THEMIS2: variants seen among roughly 807,000 people sequenced by gnomAD.
THEMIS2 encodes the protein thymocyte selection associated family member 2.
In THEMIS2, 29 loss-of-function variants were observed where a neutral mutation model predicts 46.8. The observed-to-expected ratio is 0.62, with a 90% CI of 0.46 to 0.84. The LOEUF (loss-of-function observed/expected upper bound fraction) is 0.84, where lower values mean the gene tolerates loss of function less well. Among genes scored for constraint, THEMIS2 ranks in the 40% least tolerant of loss-of-function variants. The pLI, the probability that THEMIS2 is intolerant of heterozygous loss-of-function variation, is 0.00. For synonymous variants in THEMIS2, 335 were observed against 349.1 expected (o/e 0.96, Z 0.45); for missense variants, 698 against 834.7 (o/e 0.84, Z 2.02).
rs2089647662 is a variant in THEMIS2 at position 27,879,811 on chromosome 1, G to A, written c.403G>A (p.Val135Met). 1 of 1,614,012 alleles carries A rather than the reference G, an allele frequency of 6.2e-7. No homozygotes were observed. Among genetic ancestry groups the A allele is most frequent in the Non-Finnish European group, 8.5e-7 (1 of 1,179,862 alleles). Residue 135 changes from valine to methionine, a missense_variant, in exon 3 of 6, where the codon GTG becomes ATG. Val to Met is a conservative substitution (Grantham distance 21). Transcript: ENST00000373921. ...GGACCAGCTCCTCATGCTTGAGGCTGTGGTGATGCACCTCGGGATCCGCTC... is the reference window on the plus strand; with the variant it reads ...GGACCAGCTCCTCATGCTTGAGGCTATGGTGATGCACCTCGGGATCCGCTC... The part of the protein sequence containing the change: ...TEDQLLMLEA[V>M]VMHLGIRSAR...
chr1:27,882,512 G>A lies in THEMIS2; in HGVS notation c.1188G>A (p.Gln396=), dbSNP rs779533786. The A allele has an allele frequency of 1.2e-6, 2 of 1,613,796 alleles. No homozygotes were observed. The highest frequency in any genetic ancestry group is 1.7e-6 in the Non-Finnish European group (2 of 1,179,692). ...GTGACGTGGATGTCTTGGTTTGTCA[G>A]CGGCTGAGTGACCAGGCTGGGGAGG... The part of the protein sequence containing the change: ...QGSDVDVLVC[Q]RLSDQAGEDE... The change falls in exon 4 of 6, where the codon CAG becomes CAA. Residue 396 remains glutamine (Q), a synonymous_variant. Coordinates refer to ENST00000373921, the MANE Select transcript of THEMIS2 (RefSeq NM_001105556.3). This position sits in a 1 kb window ranked among gnomAD's most constrained non-coding sequence, Gnocchi z 7.6.
At chr1:27,874,506 G>A (rs2089543818) in intron 1 of THEMIS2, among the ~76,000 whole-genome samples, 1 of 151,912 alleles carries the variant, frequency 6.6e-6, no homozygotes, top group Non-Finnish European at 1.5e-5. Flanking sequence ...AAATTGCAGG[G>A]TGTGGTGGCT....
In THEMIS2 at chr1:27,886,086, T is replaced by C; in HGVS notation, c.*164T>C. On this transcript the variant is annotated 3_prime_UTR_variant, in exon 6 of 6. Transcript: ENST00000373921. ...TTTGATGGACACTGCACCAGCTTCC[T>C]TCAGGTTCTAGATTCTTGCTACTTA... is the stretch of plus-strand genomic sequence containing the variant. 1 of 647,198 alleles carries C rather than the reference T, an allele frequency of 1.5e-6. No homozygotes were observed. Among genetic ancestry groups the C allele is most frequent in the Non-Finnish European group, 2.7e-6 (1 of 372,510 alleles). 40.1% of individuals were successfully genotyped at this position (647,198 alleles called of 1,614,324 possible).
At position 27,883,306 on chromosome 1, in the gene THEMIS2, T is replaced by C. The variant is rs184973995; in HGVS notation, c.1719+263T>C. 1.6e-5 allele frequency: 8 copies of C among 500,416 alleles called. No homozygotes were observed. The Admixed American group carries it at 2.0e-4, about 13-fold the overall frequency. 31.0% of individuals were successfully genotyped at this position (500,416 alleles called of 1,614,324 possible). ...CTGTTAATAAGTGGGAGGACTGAAC[T>C]TGGCCATGGACAGTCTAACTCCAAG... On this transcript the variant is annotated intron_variant, in intron 4 of 5. Transcript: ENST00000373921.
chr1:27,885,728 A>G, intron 5 of THEMIS2, 139 bp from the exon 6 acceptor site: 1 of 857,164 alleles, frequency 1.2e-6, no homozygotes, highest in East Asian at 2.6e-5. Context: ...GAGACAGAAC[A>G]AATCGTGGTT....
At position 27,879,626 on chromosome 1, in the gene THEMIS2, C is replaced by T. The variant is rs1272558868; in HGVS notation, c.236-18C>T. On this transcript the variant is annotated intron_variant, in intron 2 of 5. Transcript: ENST00000373921. The stretch of plus-strand genomic sequence containing the variant: ...GACACCCCACAGTGACCTGCCTGCT[C>T]TCTGCTGTCCCCCACAGGCTACTTC... 1.9e-6 allele frequency: 3 copies of T among 1,568,174 alleles called. No individual in the cohort carries two copies. Among genetic ancestry groups the T allele is most frequent in the Non-Finnish European group, 2.6e-6 (3 of 1,150,868 alleles).
rs2148642024 is a variant in THEMIS2, at chr1:27,882,803, G to C, written c.1479G>C (p.Glu493Asp). 1.9e-6 allele frequency: 3 copies of C among 1,613,922 alleles called. 1 individual carries two copies. The Admixed American group carries it at 5.0e-5, about 27-fold the overall frequency. The part of the protein sequence containing the change: ...EPFLVVSLDS[E>D]PGMCFEIPPR... Reference sequence around the variant, plus strand: ...TCTTGGTGGTGAGCCTAGACTCTGAGCCTGGGATGTGCTTTGAGATCCCTC... The same window carrying C: ...TCTTGGTGGTGAGCCTAGACTCTGACCCTGGGATGTGCTTTGAGATCCCTC... The change falls in exon 4 of 6, where the codon GAG becomes GAC. Residue 493 changes from glutamate to aspartate, a missense_variant. By Grantham distance (45) the Glu-to-Asp change is conservative (BLOSUM62 2). Transcript: ENST00000373921. This position sits in a 1 kb window ranked among gnomAD's most constrained non-coding sequence, Gnocchi z 7.6.
Position 27,885,983 on chromosome 1 carries a change from A to G in THEMIS2, c.*61A>G. On this transcript the variant is annotated 3_prime_UTR_variant, in exon 6 of 6. Coordinates refer to ENST00000373921, the MANE Select transcript of THEMIS2 (RefSeq NM_001105556.3). ...TCAGGGAATCCGACACCAGCCAACCATTTTAAGCCTCTAAAAGACCTCGGG... is the reference window on the plus strand; with the variant it reads ...TCAGGGAATCCGACACCAGCCAACCGTTTTAAGCCTCTAAAAGACCTCGGG... 7 of 1,551,832 alleles carry G rather than the reference A, an allele frequency of 4.5e-6. No homozygotes were observed. Among genetic ancestry groups the G allele is most frequent in the Non-Finnish European group, 6.2e-6 (7 of 1,124,462 alleles).
intron 1 of THEMIS2, among the ~76,000 whole-genome samples, chr1:27,873,698 C>T (rs2089528018): frequency 6.6e-6 from 1 of 152,164 alleles, no homozygotes; most frequent in Non-Finnish European, 1.5e-5. Context: ...CTGACTCTAC[C>T]TCCAGGGGCT....
At chr1:27,884,944 G>A (rs750631757) in intron 4 of THEMIS2, 4 of 196,108 alleles carry the variant, frequency 2.0e-5, no homozygotes, top group South Asian at 7.2e-5. Context: ...CAGCTCAGGC[G>A]TCGTCACAAG....
intron 1 of THEMIS2, among the ~76,000 whole-genome samples, chr1:27,873,416 G>A (rs1366813700): frequency 6.6e-6 from 1 of 152,182 alleles, no homozygotes. Flanking sequence ...GTGGGCCACC[G>A]AGTAGGGGAG....
At position 27,882,730 on chromosome 1, in the gene THEMIS2, T is replaced by C. The variant is rs368969719; in HGVS notation, c.1406T>C (p.Leu469Pro). Residue 469 changes from leucine (L) to proline (P), a missense_variant, in exon 4 of 6, where the codon CTG becomes CCG. Leu to Pro is a moderately conservative substitution (Grantham distance 98). Transcript: ENST00000373921. This position sits in a 1 kb window ranked among gnomAD's most constrained non-coding sequence, Gnocchi z 7.6. The part of the protein sequence containing the change: ...AKDTSHPTDP[L>P]TSFLGLRLEE... ...GACACCAGCCACCCCACTGACCCTC[T>C]GACCTCCTTCCTGGGCCTGCGGCTG... is the stretch of plus-strand genomic sequence containing the variant. 1 of 1,613,954 alleles carries C rather than the reference T, an allele frequency of 6.2e-7. No homozygotes were observed. The highest frequency in any genetic ancestry group is 8.5e-7 in the Non-Finnish European group (1 of 1,179,980).
Position 27,882,762 on chromosome 1 carries a change from A to G in THEMIS2, c.1438A>G (p.Lys480Glu). The change falls in exon 4 of 6, where the codon AAG (lysine) becomes GAG (glutamate). Residue 480 changes from lysine to glutamate, a missense_variant. Physicochemically the swap from Lys to Glu is moderately conservative, Grantham distance 56. Coordinates refer to ENST00000373921, the MANE Select transcript of THEMIS2 (RefSeq NM_001105556.3). This position sits in a 1 kb window ranked among gnomAD's most constrained non-coding sequence, Gnocchi z 7.6. The part of the protein sequence containing the change: ...TSFLGLRLEE[K>E]ITEPFLVVSL... ...CTTCCTGGGCCTGCGGCTGGAGGAG[A>G]AGATCACAGAGCCATTCTTGGTGGT... 1 of 1,613,668 alleles carries G rather than the reference A, an allele frequency of 6.2e-7. No homozygotes were observed. Among genetic ancestry groups the G allele is most frequent in the South Asian group, 1.1e-5 (1 of 91,030 alleles).
At chr1:27,880,120 G>T in intron 3 of THEMIS2, 66 bp downstream of exon 3, 2 of 1,493,822 alleles carry the variant, frequency 1.3e-6, no homozygotes, top group South Asian at 1.3e-5. Flanking sequence ...CCTGGGAGCT[G>T]CTCTGATGGA....
At chr1:27,883,283 G>C in intron 4 of THEMIS2, 2 of 540,250 alleles carry the variant, frequency 3.7e-6, no homozygotes, top group Non-Finnish European at 6.6e-6. Context: ...CAGGGTCCCT[G>C]TTAATAAGTG....
In THEMIS2 at chr1:27,886,411, A is replaced by G. The variant is rs1447898687; in HGVS notation, c.*489A>G. On this transcript the variant is annotated 3_prime_UTR_variant, in exon 6 of 6. Coordinates refer to ENST00000373921, the MANE Select transcript of THEMIS2 (RefSeq NM_001105556.3). ...GTAGCACCAAGCCTGATAGATCTGT[A>G]TATGGTAAACAGGGGTTTAACCACA... 6.2e-6 allele frequency: 1 copy of G among 161,400 alleles called. No individual in the cohort carries two copies. Among genetic ancestry groups the G allele is most frequent in the Non-Finnish European group, 1.4e-5 (1 of 73,160 alleles). The allele number at this position is 161,400 out of a possible 1,614,324, so 10.0% of individuals were successfully genotyped here. A position where few individuals can be genotyped will look rare whatever the true frequency, so the allele number is the denominator to read the frequency against.
At position 27,886,572 on chromosome 1, in the gene THEMIS2, T is replaced by G. The variant is rs2089776505; in HGVS notation, c.*650T>G. ...TATGGAGACCTGAGGCTGCAGAAACTGGTAGGTTTCATCAGGTGGTTAAAG... is the reference window on the plus strand; with the variant it reads ...TATGGAGACCTGAGGCTGCAGAAACGGGTAGGTTTCATCAGGTGGTTAAAG... On this transcript the variant is annotated 3_prime_UTR_variant, in exon 6 of 6. Transcript: ENST00000373921. The G allele has an allele frequency of 6.6e-6, 1 of 152,182 alleles. No individual in the cohort carries two copies. Among genetic ancestry groups the G allele is most frequent in the South Asian group, 2.1e-4 (1 of 4,860 alleles). 9.4% of individuals were successfully genotyped at this position (152,182 alleles called of 1,614,324 possible).
At position 27,885,868 on chromosome 1, in the gene THEMIS2, T is replaced by G; in HGVS notation, c.1878T>G (p.Asp626Glu). 1 of 1,614,036 alleles carries G rather than the reference T, an allele frequency of 6.2e-7. No individual in the cohort carries two copies. The highest frequency in any genetic ancestry group is 8.5e-7 in the Non-Finnish European group (1 of 1,180,006). Reference protein sequence around the residue: ...RPAKPQRQDLDDDEHDYEEIL... With the variant: ...RPAKPQRQDLEDDEHDYEEIL... ...TCATTGACTCGGACTCTTTTGCAGA[T>G]GATGATGAACATGATTATGAAGAAA... The change falls in exon 6 of 6, where the codon GAT (aspartate) becomes GAG (glutamate). Residue 626 changes from aspartate (D) to glutamate (E), a missense_variant and splice_region_variant. Physicochemically the swap from Asp to Glu is conservative, Grantham distance 45 (BLOSUM62 2). Coordinates refer to ENST00000373921, the MANE Select transcript of THEMIS2 (RefSeq NM_001105556.3).
chr1:27,885,850 C>T lies in THEMIS2; in HGVS notation c.1877-17C>T, dbSNP rs1402315868. On this transcript the variant is annotated splice_polypyrimidine_tract_variant and intron_variant, in intron 5 of 5. Coordinates refer to ENST00000373921, the MANE Select transcript of THEMIS2 (RefSeq NM_001105556.3). ...GCCTAACGCTAAAGATCCTCATTGA[C>T]TCGGACTCTTTTGCAGATGATGATG... 20 of 1,613,384 alleles carry T rather than the reference C, an allele frequency of 1.2e-5. No individual in the cohort carries two copies. The highest frequency in any genetic ancestry group is 1.6e-4 in the Middle Eastern group (1 of 6,080).
Sources: gnomAD v4.1 joint callset for allele counts (sites outside exome capture counted in the v4.1 genomes callset) on GRCh38, gnomAD v4.1.1 for gene constraint, Gnocchi (gnomAD v3.1) non-coding constraint, MANE v1.5 for transcripts, NCBI Gene and HGNC (gene_info 2026-07-23, HGNC 2026-07-21) for gene names.